CDH12: variants seen among roughly 807,000 people sequenced by gnomAD.
The protein encoded by CDH12 is cadherin 12.
Under a neutral mutation model 74.1 loss-of-function variants are expected in CDH12, and 41 were observed. The observed-to-expected ratio is 0.55, with a 90% CI of 0.43 to 0.72. CDH12 has a LOEUF of 0.72. Ranked by LOEUF, CDH12 falls within the 30% of genes least tolerant of loss-of-function variation. CDH12 has a pLI of 0.00. For synonymous variants in CDH12, 399 were observed against 355.0 expected, an observed-to-expected ratio of 1.12 and a Z score of -1.39; for missense variants, 945 against 977.2, an observed-to-expected ratio of 0.97 and a Z score of 0.44.
At chr5:22,677,249 G>A (rs935215456) in intron 1 of CDH12, among the ~76,000 whole-genome samples, 2 of 152,070 alleles carry the variant, frequency 1.3e-5, no homozygotes, top group African/African-American at 4.8e-5. Context: ...GTCTGATTAG[G>A]CTAGTATAAG....
At position 21,777,772 on chromosome 5, in the gene CDH12, T is replaced by G. The variant is rs148578771; in HGVS notation, c.1393+5586A>C. ...TCCCAAAGTGCTGGGATTGCAGGCATGAGCCACCATGCCCAGCCTACCACT... is the reference window on the plus strand; with the variant it reads ...TCCCAAAGTGCTGGGATTGCAGGCAGGAGCCACCATGCCCAGCCTACCACT... On this transcript the variant is annotated intron_variant, in intron 11 of 14. Transcript: ENST00000382254. Among the ~76,000 whole-genome samples the G allele has an allele frequency of 9.0e-3, 1,368 of 152,314 alleles. 24 individuals are homozygous for G. The highest frequency in any genetic ancestry group is 0.031 in the African/African-American group (1,302 of 41,574).
intron 3 of CDH12, among the ~76,000 whole-genome samples, chr5:22,226,716 C>A (rs1465375522): frequency 1.3e-5 from 2 of 152,104 alleles, no homozygotes; most frequent in Non-Finnish European, 2.9e-5. Context: ...ACCGTGTCCA[C>A]TGTAAGACAT....
intron 6 of CDH12, among the ~76,000 whole-genome samples, chr5:21,908,392 G>T (rs1753731314): frequency 6.6e-6 from 1 of 152,288 alleles, no homozygotes; most frequent in Non-Finnish European, 1.5e-5. Flanking sequence ...CTTAAACTGG[G>T]CTCTTTTGCG....
At chr5:22,814,138 C>T (rs1749279118) in intron 1 of CDH12, among the ~76,000 whole-genome samples, 1 of 152,000 alleles carries the variant, frequency 6.6e-6, no homozygotes. Context: ...TAAAGTATAT[C>T]TGGAAATGAA....
chr5:21,960,467 TAAAACAAACCTC>T (rs953985326), intron 6 of CDH12, among the ~76,000 whole-genome samples: 1 of 152,128 alleles, frequency 6.6e-6, no homozygotes, highest in Non-Finnish European at 1.5e-5. Flanking sequence ...AGCAAAGACA[TAAAACAAACCTC>T]AATTGAGCGT....
At chr5:22,388,951 CA>C (rs1351092793) in intron 3 of CDH12, among the ~76,000 whole-genome samples, 3 of 152,156 alleles carry the variant, frequency 2.0e-5, no homozygotes, top group Non-Finnish European at 4.4e-5. Context: ...GGAGTTTAAA[CA>C]AATGTCCATC....
At chr5:22,462,796 G>C (rs532168137) in intron 2 of CDH12, among the ~76,000 whole-genome samples, 3 of 152,220 alleles carry the variant, frequency 2.0e-5, no homozygotes, top group Non-Finnish European at 2.9e-5. Context: ...AAAAGTATGT[G>C]AGAAAAAATA....
At chr5:22,371,452 G>A (rs1225817711) in intron 3 of CDH12, among the ~76,000 whole-genome samples, 1 of 151,998 alleles carries the variant, frequency 6.6e-6, no homozygotes, top group Non-Finnish European at 1.5e-5. Context: ...TGAAAATAAG[G>A]CCATCTTACT....
chr5:21,935,828 A>G (rs904341411), intron 6 of CDH12, among the ~76,000 whole-genome samples: 1 of 152,200 alleles, frequency 6.6e-6, no homozygotes, highest in Non-Finnish European at 1.5e-5. Flanking sequence ...TCCCACAAAT[A>G]AGTGAGAGCA....
At chr5:22,477,207 A>C (rs898591421) in intron 2 of CDH12, among the ~76,000 whole-genome samples, 4 of 152,082 alleles carry the variant, frequency 2.6e-5, no homozygotes, top group Non-Finnish European at 5.9e-5. Flanking sequence ...AGTTAATCTA[A>C]AACCCCTTAG....
chr5:21,972,993 G>A (rs1163338401), intron 6 of CDH12, among the ~76,000 whole-genome samples: 1 of 149,838 alleles, frequency 6.7e-6, no homozygotes, highest in Non-Finnish European at 1.5e-5. Flanking sequence ...TTTGAGGCCA[G>A]GACTACTTGA....
At chr5:22,253,152 T>A (rs561990923) in intron 3 of CDH12, among the ~76,000 whole-genome samples, 2 of 152,072 alleles carry the variant, frequency 1.3e-5, no homozygotes, top group Non-Finnish European at 2.9e-5. Context: ...TAATACAATA[T>A]GCAATATAAT....
intron 1 of CDH12, among the ~76,000 whole-genome samples, chr5:22,509,335 G>C (rs1580718694): frequency 6.6e-6 from 1 of 152,060 alleles, no homozygotes; most frequent in Non-Finnish European, 1.5e-5. Flanking sequence ...TTTTTAGAAA[G>C]AGCTTAATTA....
chr5:21,782,925 A>C (rs1171919151), intron 11 of CDH12, among the ~76,000 whole-genome samples: 2 of 152,148 alleles, frequency 1.3e-5, no homozygotes, highest in African/African-American at 4.8e-5. Context: ...ATAAAGGGAG[A>C]GAAAAGGAAG....
rs186437398 is a variant in CDH12 at position 22,750,624 on chromosome 5, C to A, written c.-523+102434G>T. The stretch of plus-strand genomic sequence containing the variant: ...AACTGGAAAGCTCTGATGGACCAGT[C>A]GAATGTAGGGCAGTGAGAGAGATGG... On this transcript the variant is annotated intron_variant, in intron 1 of 14. Coordinates refer to ENST00000382254, the MANE Select transcript of CDH12 (RefSeq NM_004061.5). Among the ~76,000 whole-genome samples the A allele has an allele frequency of 1.6e-3, 240 of 152,018 alleles. 3 individuals carry two copies. The highest frequency in any genetic ancestry group is 0.012 in the Admixed American group (179 of 15,260).
chr5:21,916,172 A>G (rs1008846339), intron 6 of CDH12, among the ~76,000 whole-genome samples: 1 of 152,194 alleles, frequency 6.6e-6, no homozygotes, highest in African/African-American at 2.4e-5. Flanking sequence ...CAATAATAAT[A>G]ATTACAGCTA....
intron 6 of CDH12, among the ~76,000 whole-genome samples, chr5:21,885,371 C>T (rs949250228): frequency 4.6e-5 from 7 of 152,040 alleles, no homozygotes; most frequent in Admixed American, 1.3e-4. Flanking sequence ...ATTCCAGAGC[C>T]GCTGTTCTCA....
In CDH12 at chr5:21,884,231, A is replaced by G. The variant is rs112117136; in HGVS notation, c.527-29441T>C. 5,451 of 1,525,438 alleles carry G rather than the reference A, an allele frequency of 3.6e-3. 131 individuals are homozygous for G. In the African/African-American group the frequency reaches 0.053, roughly 15 times the overall value. 94.5% of individuals were successfully genotyped at this position (1,525,438 alleles called of 1,614,324 possible). A position where few individuals can be genotyped will look rare whatever the true frequency, so the allele number is the denominator to read the frequency against. On this transcript the variant is annotated intron_variant, in intron 6 of 14. Transcript: ENST00000382254. The stretch of plus-strand genomic sequence containing the variant: ...TAACTACAGCAGAAGTTGTAGTCAC[A>G]GAAATTCCTAAAGAAGAGAAGGACC...
At chr5:21,986,383 C>A (rs1008252101) in intron 5 of CDH12, among the ~76,000 whole-genome samples, 2 of 152,112 alleles carry the variant, frequency 1.3e-5, no homozygotes, top group Non-Finnish European at 2.9e-5. Flanking sequence ...CTCAGATTGT[C>A]ATATTTTGCA....
Sources: gnomAD v4.1 joint callset for allele counts (sites outside exome capture counted in the v4.1 genomes callset) on GRCh38, gnomAD v4.1.1 for gene constraint, MANE v1.5 for transcripts, NCBI Gene and HGNC (gene_info 2026-07-23, HGNC 2026-07-21) for gene names.